Variants in ZNF597 observed in about 807,000 individuals in gnomAD.
ZNF597 encodes zinc finger protein 597.
In ZNF597, 5 loss-of-function variants were observed where a neutral mutation model predicts 7.3. That is an observed-to-expected ratio of 0.68 (90% confidence interval 0.36 to 1.44). The LOEUF is 1.44. Among genes scored for constraint, ZNF597 ranks in the 40% most tolerant of loss-of-function variants. The probability of loss-of-function intolerance (pLI) is 0.04; values close to 1 mark genes in which losing one functional copy is unlikely to be tolerated. For missense variants in ZNF597, 585 were observed against 517.9 expected, an observed-to-expected ratio of 1.13 and a Z score of -1.26; for synonymous variants, 209 against 185.4, an observed-to-expected ratio of 1.13 and a Z score of -1.04.
rs1170971461 is a variant in ZNF597, at chr16:3,436,760, A to C, written c.939T>G (p.Leu313=). 2.5e-6 allele frequency: 4 copies of C among 1,613,678 alleles called. No individual in the cohort carries two copies. In the African/African-American group the frequency reaches 5.3e-5, roughly 22 times the overall value. ...KSFRQSLYPA[L]SEKSHDEDSE... ...AGTCCTCGTCGTGGCTCTTCTCGGAAAGGGCAGGATATAAGGACTGCCTGA... is the reference window on the plus strand; with the variant it reads ...AGTCCTCGTCGTGGCTCTTCTCGGACAGGGCAGGATATAAGGACTGCCTGA... Residue 313 remains leucine, a synonymous_variant, in exon 4 of 4, where the codon CTT becomes CTG. Coordinates refer to ENST00000301744, the MANE Select transcript of ZNF597 (RefSeq NM_152457.3).
In ZNF597 at chr16:3,441,040, G is replaced by T. The variant is rs1248787679; in HGVS notation, c.34-107C>A. The T allele has an allele frequency of 4.7e-6, 7 of 1,485,234 alleles. 1 individual carries two copies. In the South Asian group the frequency reaches 8.0e-5, roughly 17 times the overall value. The allele number at this position is 1,485,234 out of a possible 1,614,324, so 92.0% of individuals were successfully genotyped here. A position where few individuals can be genotyped will look rare whatever the true frequency, so the allele number is the denominator to read the frequency against. On this transcript the variant is annotated intron_variant, in intron 2 of 3. Transcript: ENST00000301744. ...AAACATCAGATGCACGGGATAAAAG[G>T]CTCGGTGTAAAAGGTTCTTGAGCGC...
rs142084909 is a variant in ZNF597, at chr16:3,436,640, G to A, written c.1059C>T (p.Phe353=). 686 of 1,608,390 alleles carry A rather than the reference G, an allele frequency of 4.3e-4. 3 individuals are homozygous for A. The African/African-American group carries it at 8.5e-3, about 20-fold the overall frequency. ...CPDCDMTFPC[F]SELISHQNIH... ...TGTTCTGATGGGAAATAAGCTCAGA[G>A]AAACAAGGAAAGGTCATGTCACAGT... The change falls in exon 4 of 4, where the codon TTC becomes TTT. Residue 353 remains phenylalanine (F), a synonymous_variant. Transcript: ENST00000301744.
chr16:3,439,425 C>T (rs1004530639), intron 3 of ZNF597, among the ~76,000 whole-genome samples: 2 of 151,900 alleles, frequency 1.3e-5, no homozygotes, highest in African/African-American at 4.8e-5. Flanking sequence ...TAGTAATCTA[C>T]AAGTGCATGA....
At chr16:3,443,254 G>T in intron 1 of ZNF597, 48 bp from the exon 2 acceptor site, 1 of 1,218,916 alleles carries the variant, frequency 8.2e-7, no homozygotes. Flanking sequence ...CCGCTGCCAA[G>T]TTCCTCCACT....
rs2034312515 is a variant in ZNF597, at chr16:3,437,114, A to G, written c.585T>C (p.His195=). The change falls in exon 4 of 4, where the codon CAT becomes CAC. Residue 195 remains histidine, a synonymous_variant. Coordinates refer to ENST00000301744, the MANE Select transcript of ZNF597 (RefSeq NM_152457.3). ...KCGDCGKIFN[H]RANLRTHRRI... ...TCCTGTGTGTCCTCAGGTTGGCTCT[A>G]TGATTGAAGATCTTTCCACAGTCAC... is the stretch of plus-strand genomic sequence containing the variant. 6.2e-7 allele frequency: 1 copy of G among 1,614,188 alleles called. No homozygotes were observed. The highest frequency in any genetic ancestry group is 8.5e-7 in the Non-Finnish European group (1 of 1,180,032).
At chr16:3,437,965 G>A (rs1011032390) in intron 3 of ZNF597, among the ~76,000 whole-genome samples, 4 of 152,166 alleles carry the variant, frequency 2.6e-5, no homozygotes, top group East Asian at 1.9e-4. Flanking sequence ...AGTGTCTCAC[G>A]TCTGTAATCT....
intron 2 of ZNF597, among the ~76,000 whole-genome samples, chr16:3,442,043 T>C (rs1200437162): frequency 1.3e-5 from 2 of 151,050 alleles, no homozygotes; most frequent in Non-Finnish European, 3.0e-5. Flanking sequence ...CATAAAGAGA[T>C]AAAGGTTACA....
chr16:3,443,501 A>G lies in ZNF597; in HGVS notation c.-195T>C. On this transcript the variant is annotated 5_prime_UTR_variant, in exon 1 of 4. Transcript: ENST00000301744. ...TCCTTTACGCAGGAGCTGCGGGAAA[A>G]GCCGCCGGAAGCGACCCGCCCTCAG... 2.0e-6 allele frequency: 1 copy of G among 505,488 alleles called. No homozygotes were observed. The highest frequency in any genetic ancestry group is 3.4e-6 in the Non-Finnish European group (1 of 290,210). The allele number at this position is 505,488 out of a possible 1,614,324, so 31.3% of individuals were successfully genotyped here.
In ZNF597 at chr16:3,436,511, AG is replaced by A; in HGVS notation, c.1187del (p.Pro396LeufsTer25). 1.9e-6 allele frequency: 3 copies of A among 1,614,228 alleles called. No homozygotes were observed. The highest frequency in any genetic ancestry group is 2.5e-6 in the Non-Finnish European group (3 of 1,180,044). Reference sequence around the variant, plus strand: ...TTTTCCCACACACGGTACATTTAAAAGGTTCCGCTAGCATGTGGCTCTTCTG... The same window carrying A: ...TTTTCCCACACACGGTACATTTAAAAGTTCCGCTAGCATGTGGCTCTTCTG... Reference protein sequence around the residue: ...CHQKSHMLAEPFKCTVCGKTF... With the variant: ...CHQKSHMLAEXFKCTVCGKTF... On this transcript the variant is annotated frameshift_variant, in exon 4 of 4. Transcript: ENST00000301744. LOFTEE classifies it low-confidence loss of function (END_TRUNC).
At chr16:3,440,246 T>C (rs900131222) in intron 3 of ZNF597, among the ~76,000 whole-genome samples, 40 of 152,220 alleles carry the variant, frequency 2.6e-4, no homozygotes, top group South Asian at 2.1e-4. Flanking sequence ...CCAAGTAAAA[T>C]TGTAAACTGC....
At chr16:3,437,945 G>C (rs918738269) in intron 3 of ZNF597, among the ~76,000 whole-genome samples, 1 of 152,178 alleles carries the variant, frequency 6.6e-6, no homozygotes, top group African/African-American at 2.4e-5. Flanking sequence ...AACAAAGAGA[G>C]GGGTTGGGCA....
chr16:3,441,047 G>T, intron 2 of ZNF597, 114 bp from the exon 3 acceptor site: 9 of 1,418,482 alleles, frequency 6.3e-6, no homozygotes, highest in Non-Finnish European at 4.7e-6. Context: ...AAGGCTCGGT[G>T]TAAAAGGTTC....
At chr16:3,441,181 C>G (rs932744957) in intron 2 of ZNF597, among the ~76,000 whole-genome samples, 3 of 152,174 alleles carry the variant, frequency 2.0e-5, no homozygotes, top group African/African-American at 7.2e-5. Flanking sequence ...GAATTATTGT[C>G]TATCTTGAAA....
intron 3 of ZNF597, among the ~76,000 whole-genome samples, chr16:3,439,382 CA>C (rs140245759): frequency 9.4e-5 from 14 of 148,334 alleles, no homozygotes; most frequent in African/African-American, 9.8e-5. Flanking sequence ...GATACTGTAT[CA>C]AAAAAAAAAT....
chr16:3,436,546 C>T lies in ZNF597; in HGVS notation c.1153G>A (p.Ala385Thr), dbSNP rs1400445915. ...AGCATGTGGCTCTTCTGGTGGCATG[C>T]AAGTTCTGAGTCCAAAGCAAAACTT... Reference protein sequence around the residue: ...EESFALDSELACHQKSHMLAE... With the variant: ...EESFALDSELTCHQKSHMLAE... The change falls in exon 4 of 4, where the codon GCA (alanine) becomes ACA (threonine). Residue 385 changes from alanine (A) to threonine (T), a missense_variant. By Grantham distance (58) the Ala-to-Thr change is moderately conservative (BLOSUM62 0). Coordinates refer to ENST00000301744, the MANE Select transcript of ZNF597 (RefSeq NM_152457.3). The T allele has an allele frequency of 3.1e-6, 5 of 1,613,948 alleles. No individual in the cohort carries two copies. The East Asian group carries it at 1.1e-4, about 36-fold the overall frequency.
At chr16:3,441,853 G>A (rs966611326) in intron 2 of ZNF597, among the ~76,000 whole-genome samples, 3 of 151,588 alleles carry the variant, frequency 2.0e-5, no homozygotes, top group Non-Finnish European at 2.9e-5. Context: ...GGTGGCATGC[G>A]CCTGTAGTCC....
rs955808868 is a variant in ZNF597, at chr16:3,434,312, G to A, written c.*2112C>T. On this transcript the variant is annotated 3_prime_UTR_variant, in exon 4 of 4. Transcript: ENST00000301744. ...GGCTCCTGCCAGTTTCTCCCACTGA[G>A]GGCAGAAGCAGGAGAGCAAGGAGGT... 1 of 152,216 alleles carries A rather than the reference G, an allele frequency of 6.6e-6. No individual in the cohort carries two copies. The highest frequency in any genetic ancestry group is 2.4e-5 in the African/African-American group (1 of 41,450). The allele number at this position is 152,216 out of a possible 1,614,324, so 9.4% of individuals were successfully genotyped here.
Position 3,435,208 on chromosome 16 carries a change from G to A in ZNF597, c.*1216C>T, listed in dbSNP as rs543791893. Reference sequence around the variant, plus strand: ...GTGTGAAATCTCTCATCTGATTAGAGGGACAAGAATTCAAACCTGAAGTCC... The same window carrying A: ...GTGTGAAATCTCTCATCTGATTAGAAGGACAAGAATTCAAACCTGAAGTCC... On this transcript the variant is annotated 3_prime_UTR_variant, in exon 4 of 4. Coordinates refer to ENST00000301744, the MANE Select transcript of ZNF597 (RefSeq NM_152457.3). 2.0e-5 allele frequency: 3 copies of A among 152,306 alleles called. No homozygotes were observed. Among genetic ancestry groups the A allele is most frequent in the South Asian group, 2.1e-4 (1 of 4,826 alleles). The allele number at this position is 152,306 out of a possible 1,614,324, so 9.4% of individuals were successfully genotyped here.
chr16:3,438,330 C>A (rs560760830), intron 3 of ZNF597, among the ~76,000 whole-genome samples: 1 of 151,608 alleles, frequency 6.6e-6, no homozygotes, highest in African/African-American at 2.4e-5. Flanking sequence ...GAGGCCGAGG[C>A]GGGTGGATCA....
Sources: allele counts gnomAD v4.1 joint callset (sites outside exome capture counted in the v4.1 genomes callset), GRCh38; gene constraint gnomAD v4.1.1; transcripts MANE v1.5; gene names NCBI Gene and HGNC (gene_info 2026-07-23, HGNC 2026-07-21).